Variants in AGTPBP1 observed in about 807,000 individuals in gnomAD.
The protein encoded by AGTPBP1 is ATP/GTP binding carboxypeptidase 1, also known as cytosolic carboxypeptidase 1.
A neutral mutation model predicts 143.9 loss-of-function variants in AGTPBP1; 70 were observed. That is an observed-to-expected ratio of 0.49 (90% CI 0.40 to 0.59). The LOEUF is 0.59. Ranked by LOEUF, AGTPBP1 falls within the 20% of genes least tolerant of loss-of-function variation. AGTPBP1 has a pLI of 0.00. For missense variants in AGTPBP1, 1,229 were observed against 1,464.5 expected (o/e 0.84, Z 2.62); for synonymous variants, 463 against 500.2 (o/e 0.93, Z 0.99).
the AGTPBP1 span, among the ~76,000 whole-genome samples, chr9:85,747,066 A>G: frequency 6.6e-6 from 1 of 152,004 alleles, no homozygotes; most frequent in Non-Finnish European, 1.5e-5. Flanking sequence ...TATATTTCCC[A>G]GGCTGATCTT....
At chr9:85,712,692 G>A (rs1837457034) in intron 1 of AGTPBP1, 126 bp from the exon 2 acceptor site, 2 of 415,554 alleles carry the variant, frequency 4.8e-6, no homozygotes, top group Non-Finnish European at 8.4e-6. Context: ...GAAACAAAAA[G>A]AGAACATTTG....
chr9:85,728,950 A>T (rs1049543670), intron 1 of AGTPBP1, among the ~76,000 whole-genome samples: 1 of 152,168 alleles, frequency 6.6e-6, no homozygotes, highest in African/African-American at 2.4e-5. Flanking sequence ...ATCACTTTTA[A>T]TGTTAATTGT....
At chr9:85,781,023 A>C in the AGTPBP1 span, among the ~76,000 whole-genome samples, 1 of 152,188 alleles carries the variant, frequency 6.6e-6, no homozygotes, top group African/African-American at 2.4e-5. Context: ...AGGCGGAGGC[A>C]GGAGAATGGT....
rs145952568 is a variant in AGTPBP1, at chr9:85,598,457, T to A, written c.2336-2008A>T. Among the ~76,000 whole-genome samples, 1,001 of 152,296 alleles carry A rather than the reference T, an allele frequency of 6.6e-3. 9 individuals carry two copies. The highest frequency in any genetic ancestry group is 0.023 in the African/African-American group (936 of 41,572). On this transcript the variant is annotated intron_variant, in intron 17 of 25. Coordinates refer to ENST00000357081, the MANE Select transcript of AGTPBP1 (RefSeq NM_001330701.2). ...AATCTTGTTGATTATATTATTCAAA[T>A]TCTCTATAGCCTTACTTATTTTTGT...
chr9:85,674,217 A>G (rs933242128), intron 6 of AGTPBP1, among the ~76,000 whole-genome samples: 3 of 151,946 alleles, frequency 2.0e-5, no homozygotes, highest in African/African-American at 7.2e-5. Flanking sequence ...AGGAAAAATT[A>G]TTTTACCTCA....
At chr9:85,603,477 A>G (rs1829797270) in intron 17 of AGTPBP1, among the ~76,000 whole-genome samples, 1 of 152,182 alleles carries the variant, frequency 6.6e-6, no homozygotes, top group Non-Finnish European at 1.5e-5. Flanking sequence ...CCTGCTGGCT[A>G]AAGAGCCCTT....
intron 17 of AGTPBP1, among the ~76,000 whole-genome samples, chr9:85,608,795 A>G (rs1830136944): frequency 6.6e-6 from 1 of 152,174 alleles, no homozygotes; most frequent in Non-Finnish European, 1.5e-5. Context: ...CTCTGGTCAC[A>G]GTGTACTAAA....
chr9:85,632,211 A>G (rs1831725688), intron 14 of AGTPBP1, among the ~76,000 whole-genome samples: 1 of 152,098 alleles, frequency 6.6e-6, no homozygotes. Flanking sequence ...CTTTCTTCCA[A>G]TTATACTTTT....
At chr9:85,566,618 G>C (rs768491562) in intron 25 of AGTPBP1, among the ~76,000 whole-genome samples, 1 of 151,160 alleles carries the variant, frequency 6.6e-6, no homozygotes, top group Non-Finnish European at 1.5e-5. Context: ...GCAATGATTA[G>C]GTAAAATACA....
chr9:85,588,656 T>C (rs987680586), intron 20 of AGTPBP1, among the ~76,000 whole-genome samples, 178 bp from the exon 21 acceptor site: 1 of 151,962 alleles, frequency 6.6e-6, no homozygotes, highest in Non-Finnish European at 1.5e-5. Flanking sequence ...AAATATAAAA[T>C]CAATAAAACC....
At chr9:85,561,771 G>T (rs886236265) in intron 25 of AGTPBP1, among the ~76,000 whole-genome samples, 1 of 151,472 alleles carries the variant, frequency 6.6e-6, no homozygotes, top group African/African-American at 2.4e-5. Context: ...GTTGAGGGGG[G>T]TTAAATGGAC....
At chr9:85,770,926 A>C in the AGTPBP1 span, among the ~76,000 whole-genome samples, 1 of 152,096 alleles carries the variant, frequency 6.6e-6, no homozygotes, top group Admixed American at 6.6e-5. Flanking sequence ...GTTGAAATGA[A>C]GATGAAGTGG....
chr9:85,689,660 CGAGACCGGCA>C (rs1271295802), intron 3 of AGTPBP1, among the ~76,000 whole-genome samples: 1 of 151,676 alleles, frequency 6.6e-6, no homozygotes, highest in African/African-American at 2.4e-5. Context: ...TGTGGGAGGC[CGAGACCGGCA>C]GATCGCCTGA....
the AGTPBP1 span, among the ~76,000 whole-genome samples, chr9:85,799,267 T>G: frequency 6.6e-6 from 1 of 152,186 alleles, no homozygotes; most frequent in Non-Finnish European, 1.5e-5. Flanking sequence ...TCTTTGCTAT[T>G]GTGAATAGTG....
At chr9:85,682,732 G>A (rs946641717) in intron 3 of AGTPBP1, among the ~76,000 whole-genome samples, 2 of 152,158 alleles carry the variant, frequency 1.3e-5, no homozygotes, top group Non-Finnish European at 2.9e-5. Flanking sequence ...CAGATAGTGA[G>A]GCCCTGATTA....
intron 2 of AGTPBP1, among the ~76,000 whole-genome samples, chr9:85,704,646 G>A (rs1056085894): frequency 1.3e-5 from 2 of 151,986 alleles, no homozygotes; most frequent in South Asian, 4.1e-4. Context: ...CCCAGAATAA[G>A]GCTCAAGAAT....
At chr9:85,630,100 T>C (rs1311174545) in intron 14 of AGTPBP1, among the ~76,000 whole-genome samples, 5 of 152,288 alleles carry the variant, frequency 3.3e-5, no homozygotes, top group African/African-American at 9.6e-5. Context: ...GATGACATCT[T>C]TGACTTTGGA....
intron 8 of AGTPBP1, among the ~76,000 whole-genome samples, chr9:85,668,227 T>G (rs2134037389): frequency 6.6e-6 from 1 of 152,174 alleles, no homozygotes; most frequent in South Asian, 2.1e-4. Flanking sequence ...TTCCTAAATA[T>G]AATGAAGAAT....
chr9:85,748,419 T>A, the AGTPBP1 span, among the ~76,000 whole-genome samples: 2 of 152,200 alleles, frequency 1.3e-5, no homozygotes, highest in Non-Finnish European at 1.5e-5. Flanking sequence ...TATAGGATAC[T>A]TTTCCGTGGC....
Sources: gnomAD v4.1 joint callset for allele counts (sites outside exome capture counted in the v4.1 genomes callset) on GRCh38, gnomAD v4.1.1 for gene constraint, MANE v1.5 for transcripts, NCBI Gene and HGNC (gene_info 2026-07-23, HGNC 2026-07-21) for gene names.